RGS20: variants seen among roughly 807,000 people sequenced by gnomAD.
RGS20 encodes the protein regulator of G protein signaling 20, also known as gz-selective GTPase-activating protein.
Under a neutral mutation model 33.6 loss-of-function variants are expected in RGS20, and 30 were observed. That is an observed-to-expected ratio of 0.89 (90% confidence interval 0.67 to 1.21). The LOEUF (loss-of-function observed/expected upper bound fraction) is 1.21. Among genes scored for constraint, RGS20 ranks in the 50% most tolerant of loss-of-function variants. The pLI is 0.00. For missense variants in RGS20, 472 were observed against 502.4 expected, an observed-to-expected ratio of 0.94 and a Z score of 0.58; for synonymous variants, 208 against 197.9, an observed-to-expected ratio of 1.05 and a Z score of -0.43.
At chr8:53,956,943 A>C (rs1280099152) in intron 5 of RGS20, among the ~76,000 whole-genome samples, 1 of 152,138 alleles carries the variant, frequency 6.6e-6, no homozygotes, top group African/African-American at 2.4e-5. Flanking sequence ...GTCTAGGAAG[A>C]GCCAAACATC....
chr8:53,952,344 G>C (rs1814736491), intron 4 of RGS20, among the ~76,000 whole-genome samples: 1 of 143,496 alleles, frequency 7.0e-6, no homozygotes. Context: ...GCAATACTCT[G>C]TCTCAAAAAA....
rs1814512748 is a variant in RGS20, at chr8:53,947,174, T to TTA, written c.743+426_743+427insTA. Among the ~76,000 whole-genome samples the TTA allele has an allele frequency of 2.1e-5, 3 of 146,230 alleles. No individual in the cohort carries two copies. The South Asian group carries it at 6.3e-4, about 31-fold the overall frequency. ...AGTATATATATTTATACACTCTATA[T>TTA]AAGATATAGCATATTTATACACGCT... On this transcript the variant is annotated intron_variant, in intron 4 of 5. Coordinates refer to ENST00000297313, the MANE Select transcript of RGS20 (RefSeq NM_170587.4).
At chr8:53,948,552 ATG>A (rs1491214117) in intron 4 of RGS20, among the ~76,000 whole-genome samples, 5 of 62,314 alleles carry the variant, frequency 8.0e-5, no homozygotes, top group African/African-American at 5.6e-4. Flanking sequence ...TATGCTATAT[ATG>A]ATACAGTACA....
intron 5 of RGS20, 108 bp downstream of exon 4, chr8:53,954,418 C>A (rs918782067): frequency 1.4e-6 from 1 of 716,114 alleles, no homozygotes; most frequent in Non-Finnish European, 2.4e-6. Context: ...AATCCCAGCA[C>A]TTTGGGAGGC....
intron 2 of RGS20, among the ~76,000 whole-genome samples, chr8:53,890,384 T>C (rs1812680633): frequency 6.6e-6 from 1 of 152,260 alleles, no homozygotes; most frequent in East Asian, 1.9e-4. Flanking sequence ...TCTTATCTAC[T>C]AAATCCAATG....
Position 53,879,338 on chromosome 8 carries a change from C to T in RGS20, c.246C>T (p.Leu82=). Reference sequence around the variant, plus strand: ...TCCTTTCTAGCCCGCTTTCCAGCCTCGCAAGGTTCTTCTCTCACCTTCTCC... The same window carrying T: ...TCCTTTCTAGCCCGCTTTCCAGCCTTGCAAGGTTCTTCTCTCACCTTCTCC... The change falls in exon 2 of 6, where the codon CTC becomes CTT. Residue 82 remains leucine (L), a synonymous_variant. Coordinates refer to ENST00000297313, the MANE Select transcript of RGS20 (RefSeq NM_170587.4). The T allele has an allele frequency of 6.2e-7, 1 of 1,612,866 alleles. No individual in the cohort carries two copies. Among genetic ancestry groups the T allele is most frequent in the Middle Eastern group, 1.6e-4 (1 of 6,062 alleles).
chr8:53,931,053 C>G (rs2128821), intron 2 of RGS20, among the ~76,000 whole-genome samples: 53,889 of 151,910 alleles, frequency 0.35, 10,818 homozygotes, highest in African/African-American at 0.56. Context: ...AGCTGTCTCC[C>G]TGTGGTACCC....
At chr8:53,908,966 C>A (rs181084155) in intron 2 of RGS20, among the ~76,000 whole-genome samples, 1 of 151,836 alleles carries the variant, frequency 6.6e-6, no homozygotes, top group East Asian at 1.9e-4. Context: ...GGATTTATGG[C>A]ATGTTATTCT....
intron 1 of RGS20, among the ~76,000 whole-genome samples, chr8:53,875,477 C>T (rs1812184402): frequency 7.3e-6 from 1 of 137,660 alleles, no homozygotes; most frequent in African/African-American, 2.7e-5. Flanking sequence ...AACTAAAAAA[C>T]ACCATCTCCT....
In RGS20 at chr8:53,910,381, C is replaced by G. The variant is rs796796556; in HGVS notation, c.511-29195C>G. Among the ~76,000 whole-genome samples the G allele has an allele frequency of 4.0e-5, 6 of 151,724 alleles. 1 individual carries two copies. The highest frequency in any genetic ancestry group is 1.5e-4 in the African/African-American group (6 of 41,238). On this transcript the variant is annotated intron_variant, in intron 2 of 5. Coordinates refer to ENST00000297313, the MANE Select transcript of RGS20 (RefSeq NM_170587.4). ...AGTCAAGAGGGAAATGCAAATTAAA[C>G]CCACCATGAGCTGCCACTTACGCCT...
chr8:53,869,915 G>T (rs1346138072), intron 1 of RGS20, among the ~76,000 whole-genome samples: 1 of 152,064 alleles, frequency 6.6e-6, no homozygotes, highest in Middle Eastern at 3.2e-3. Flanking sequence ...GTTCTCCTTT[G>T]CAATGGCCAG....
At chr8:53,939,141 T>C (rs554897055) in intron 2 of RGS20, among the ~76,000 whole-genome samples, 1 of 152,300 alleles carries the variant, frequency 6.6e-6, no homozygotes, top group African/African-American at 2.4e-5. Context: ...GCCCTTCCCA[T>C]GTTGACCTCC....
chr8:53,871,112 C>CAAAAAAAA (rs370091533), intron 1 of RGS20, among the ~76,000 whole-genome samples: 2 of 21,470 alleles, frequency 9.3e-5, no homozygotes, highest in African/African-American at 2.2e-4. Context: ...CTCCATCTCA[C>CAAAAAAAA]AAAAAAAAAA....
chr8:53,896,093 C>A (rs1431790893), intron 2 of RGS20, among the ~76,000 whole-genome samples: 1 of 152,074 alleles, frequency 6.6e-6, no homozygotes, highest in South Asian at 2.1e-4. Flanking sequence ...CCAGCCTGGG[C>A]AACAAAGCAA....
chr8:53,937,847 C>T (rs1337185397), intron 2 of RGS20, among the ~76,000 whole-genome samples: 1 of 152,112 alleles, frequency 6.6e-6, no homozygotes, highest in Non-Finnish European at 1.5e-5. Flanking sequence ...CCGTCTCATG[C>T]CAGTTAGAAT....
intron 1 of RGS20, chr8:53,852,127 A>G: frequency 7.0e-7 from 1 of 1,433,652 alleles, no homozygotes. Flanking sequence ...CCCAGAAAGA[A>G]TATAAAACTA....
At chr8:53,879,062 T>C (rs1365400448) in intron 1 of RGS20, among the ~76,000 whole-genome samples, 1 of 152,030 alleles carries the variant, frequency 6.6e-6, no homozygotes, top group Non-Finnish European at 1.5e-5. Flanking sequence ...CGGACCACAC[T>C]TCAAGTAGCA....
intron 1 of RGS20, among the ~76,000 whole-genome samples, chr8:53,853,310 T>A (rs1048471224): frequency 6.6e-6 from 1 of 152,318 alleles, no homozygotes; most frequent in Non-Finnish European, 1.5e-5. Context: ...GTTCTAACTA[T>A]CTTGAGAAGG....
At chr8:53,954,353 A>AT in intron 5 of RGS20, 43 bp downstream of exon 4, 1 of 1,356,828 alleles carries the variant, frequency 7.4e-7, no homozygotes, top group Non-Finnish European at 1.1e-6. Flanking sequence ...TGTTGGTAAA[A>AT]TTAACTTGGT....
Sources: allele counts gnomAD v4.1 joint callset (sites outside exome capture counted in the v4.1 genomes callset), GRCh38; gene constraint gnomAD v4.1.1; transcripts MANE v1.5; gene names NCBI Gene and HGNC (gene_info 2026-07-23, HGNC 2026-07-21).